MAPK8: variants seen among roughly 807,000 people sequenced by gnomAD.
The protein encoded by MAPK8 is mitogen-activated protein kinase 8, also known as JUN N-terminal kinase.
In MAPK8, 13 loss-of-function variants were observed where a neutral mutation model predicts 52.9. The observed-to-expected ratio is 0.25, with a 90% CI of 0.16 to 0.39. MAPK8 has a LOEUF of 0.39. Among genes scored for constraint, MAPK8 ranks in the 10% least tolerant of loss-of-function variants. The pLI is 1.00. For missense variants in MAPK8, 300 were observed against 519.2 expected (o/e 0.58, Z 4.10); for synonymous variants, 191 against 169.8 (o/e 1.12, Z -0.97).
At chr10:48,413,224 T>C (rs927305422) in intron 5 of MAPK8, among the ~76,000 whole-genome samples, 1 of 151,904 alleles carries the variant, frequency 6.6e-6, no homozygotes, top group Admixed American at 6.6e-5. Flanking sequence ...CACATTTAGC[T>C]CTTTTGAAAA....
chr10:48,317,146 G>A (rs1365304788), intron 1 of MAPK8, among the ~76,000 whole-genome samples: 1 of 152,114 alleles, frequency 6.6e-6, no homozygotes, highest in Non-Finnish European at 1.5e-5. Context: ...GAAGAAAGAA[G>A]CCAAGTTGAA....
At chr10:48,392,087 T>C (rs972901018) in intron 1 of MAPK8, among the ~76,000 whole-genome samples, 2 of 152,090 alleles carry the variant, frequency 1.3e-5, no homozygotes, top group African/African-American at 4.8e-5. Flanking sequence ...GGAAATGGGA[T>C]TGGACAAAAA....
intron 1 of MAPK8, among the ~76,000 whole-genome samples, chr10:48,373,524 A>T (rs1398554264): frequency 7.0e-6 from 1 of 143,488 alleles, no homozygotes; most frequent in Non-Finnish European, 1.5e-5. Flanking sequence ...GACACACATA[A>T]GCTCAAAATA....
intron 5 of MAPK8, 133 bp downstream of exon 5, chr10:48,410,301 C>G (rs186536297): frequency 1.5e-6 from 1 of 669,124 alleles, no homozygotes; most frequent in Non-Finnish European, 2.2e-6. Flanking sequence ...ATATTAAATT[C>G]TAAAATATTT....
At chr10:48,398,501 T>C (rs976130318) in intron 1 of MAPK8, among the ~76,000 whole-genome samples, 12 of 152,114 alleles carry the variant, frequency 7.9e-5, no homozygotes, top group African/African-American at 2.9e-4. Flanking sequence ...CTGGTGCAAA[T>C]GAAAAATGAT....
Position 48,310,729 on chromosome 10 carries a change from TTGTGTG to T in MAPK8, c.-50+3928_-50+3933del, listed in dbSNP as rs111302388. Among the ~76,000 whole-genome samples, 715 of 149,130 alleles carry T rather than the reference TTGTGTG, an allele frequency of 4.8e-3. 14 individuals carry two copies. The East Asian group carries it at 0.089, about 19-fold the overall frequency. On this transcript the variant is annotated intron_variant, in intron 1 of 11. Coordinates refer to ENST00000374189, the MANE Select transcript of MAPK8 (RefSeq NM_001323329.2). ...TTTCACTGAAATCCAGTTTTTAAAA[TTGTGTG>T]TGTGTGTGTGTGTGTGTGTATGTGT...
intron 1 of MAPK8, among the ~76,000 whole-genome samples, chr10:48,368,782 T>C (rs1296272286): frequency 6.6e-6 from 1 of 152,126 alleles, no homozygotes; most frequent in African/African-American, 2.4e-5. Flanking sequence ...AGGTAGGAAG[T>C]GCGGCTGGAC....
intron 10 of MAPK8, 66 bp downstream of exon 10, chr10:48,427,209 T>TA: frequency 8.4e-7 from 1 of 1,190,604 alleles, no homozygotes; most frequent in South Asian, 1.3e-5. Flanking sequence ...TGGTGATTTA[T>TA]TATCATGTTA....
intron 7 of MAPK8, chr10:48,424,494 T>G: frequency 1.3e-6 from 2 of 1,512,576 alleles, no homozygotes; most frequent in Non-Finnish European, 1.8e-6. Flanking sequence ...TATGTTAATG[T>G]CATTGCATTT....
At chr10:48,376,535 A>T (rs2040673466) in intron 1 of MAPK8, among the ~76,000 whole-genome samples, 2 of 152,248 alleles carry the variant, frequency 1.3e-5, no homozygotes, top group Non-Finnish European at 2.9e-5. Context: ...ACAAATTTAC[A>T]AGAAAAAAGC....
intron 7 of MAPK8, chr10:48,425,041 G>A (rs2043592068): frequency 1.7e-6 from 1 of 603,670 alleles, no homozygotes; most frequent in Non-Finnish European, 3.0e-6. Flanking sequence ...TTTCATCTGA[G>A]AATTTCAGCA....
chr10:48,332,461 A>C (rs987058414), intron 1 of MAPK8, among the ~76,000 whole-genome samples: 11 of 152,296 alleles, frequency 7.2e-5, no homozygotes, highest in Admixed American at 4.6e-4. Flanking sequence ...CTCTCTCATC[A>C]GGGGTTTACT....
intron 1 of MAPK8, among the ~76,000 whole-genome samples, chr10:48,400,193 TAAG>T (rs1318107677): frequency 4.6e-5 from 7 of 152,252 alleles, no homozygotes; most frequent in Non-Finnish European, 1.0e-4. Flanking sequence ...GCTGTCCACT[TAAG>T]AAGAATTTAT....
chr10:48,415,610 C>G (rs1181376443), intron 5 of MAPK8, among the ~76,000 whole-genome samples: 1 of 152,122 alleles, frequency 6.6e-6, no homozygotes, highest in East Asian at 1.9e-4. Flanking sequence ...GGTTGGCAGA[C>G]ATATACCAGG....
chr10:48,359,722 T>A (rs999524484), intron 1 of MAPK8, among the ~76,000 whole-genome samples: 2 of 152,100 alleles, frequency 1.3e-5, no homozygotes, highest in African/African-American at 2.4e-5. Flanking sequence ...TGAAAAAAAA[T>A]AAATTGGATA....
At position 48,324,503 on chromosome 10, in the gene MAPK8, G is replaced by GTTTTTTTTTTTTTTTTTTTTTTTTTTTTT. The variant is rs370766776; in HGVS notation, c.-50+17699_-50+17700insTTTTTTTTTTTTTTTTTTTTTTTTTTTTT. Among the ~76,000 whole-genome samples the GTTTTTTTTTTTTTTTTTTTTTTTTTTTTT allele has an allele frequency of 1.0e-4, 12 of 118,018 alleles. 1 individual carries two copies. The highest frequency in any genetic ancestry group is 1.5e-4 in the Non-Finnish European group (9 of 59,920). 77.4% of individuals were successfully genotyped at this position (118,018 alleles called of 152,430 possible). A position where few individuals can be genotyped will look rare whatever the true frequency, so the allele number is the denominator to read the frequency against. On this transcript the variant is annotated intron_variant, in intron 1 of 11. Transcript: ENST00000374189. ...TATACAACAGTTGTCCTGTTTTCTA[G>GTTTTTTTTTTTTTTTTTTTTTTTTTTTTT]TTTTTTTTTTTTTTTTTACACTCAT...
chr10:48,385,044 TGTTG>T (rs2041228304), intron 1 of MAPK8, among the ~76,000 whole-genome samples: 1 of 152,212 alleles, frequency 6.6e-6, no homozygotes, highest in Non-Finnish European at 1.5e-5. Flanking sequence ...CAGGAATTCT[TGTTG>T]GTTTACAGAA....
intron 1 of MAPK8, among the ~76,000 whole-genome samples, chr10:48,311,978 A>G (rs973530238): frequency 6.6e-6 from 1 of 152,226 alleles, no homozygotes; most frequent in Admixed American, 6.5e-5. Context: ...TGAGCTGAGT[A>G]TAATTTGATA....
chr10:48,364,661 G>A (rs940889359), intron 1 of MAPK8, among the ~76,000 whole-genome samples: 8 of 152,106 alleles, frequency 5.3e-5, no homozygotes, highest in African/African-American at 1.7e-4. Context: ...GAAACAGTAA[G>A]TTAGAGAGGC....
Sources: gnomAD v4.1 joint callset for allele counts (sites outside exome capture counted in the v4.1 genomes callset) on GRCh38, gnomAD v4.1.1 for gene constraint, MANE v1.5 for transcripts, NCBI Gene and HGNC (gene_info 2026-07-23, HGNC 2026-07-21) for gene names.